The following ANKFY1 variants were observed in gnomAD, a reference collection of about 807,000 sequenced individuals.
The protein encoded by ANKFY1 is ankyrin repeat and FYVE domain containing 1.
ANKFY1 carries 47 observed loss-of-function variants against 128.3 expected under a neutral mutation model. The observed-to-expected ratio is 0.37, with a 90% confidence interval of 0.29 to 0.47. The LOEUF (loss-of-function observed/expected upper bound fraction) is 0.47. ANKFY1 is among the 20% of genes least tolerant of loss of function. The probability of loss-of-function intolerance (pLI) is 1.00; values close to 1 mark genes in which losing one functional copy is unlikely to be tolerated. For missense variants in ANKFY1, 1,222 were observed against 1,510.6 expected (o/e 0.81, Z 3.17); for synonymous variants, 553 against 601.6 (o/e 0.92, Z 1.18).
At chr17:4,197,263 T>A (rs2059842722) in intron 8 of ANKFY1, 110 bp downstream of exon 8, 3 of 1,156,822 alleles carry the variant, frequency 2.6e-6, no homozygotes, top group Non-Finnish European at 3.8e-6. Flanking sequence ...AAAATAAGAC[T>A]GAATAATGCC....
At chr17:4,235,351 A>AAAG (rs1567967164) in intron 3 of ANKFY1, among the ~76,000 whole-genome samples, 1 of 151,484 alleles carries the variant, frequency 6.6e-6, no homozygotes, top group Non-Finnish European at 1.5e-5. Context: ...AAAAAAAAAA[A>AAAG]AAAAGAAAAA....
intron 1 of ANKFY1, 83 bp downstream of exon 1, chr17:4,263,849 T>C (rs1598170125): frequency 6.2e-7 from 1 of 1,612,142 alleles, no homozygotes; most frequent in African/African-American, 1.3e-5. Context: ...CGCCCGGCCT[T>C]CCCCTCCCAC....
intron 1 of ANKFY1, among the ~76,000 whole-genome samples, chr17:4,247,169 G>T (rs117571779): frequency 0.015 from 2,316 of 151,962 alleles, 24 homozygotes; most frequent in Middle Eastern, 0.031. Context: ...CAAAGTTGCT[G>T]ATTCCTCTAT....
rs926277620 is a variant in ANKFY1 at position 4,223,626 on chromosome 17, A to T, written c.323-6508T>A. On this transcript the variant is annotated intron_variant, in intron 3 of 24. Transcript: ENST00000341657. ...CTGTGGGAACTCATGACTCTGGGCC[A>T]GACGCCCTACATGGACACTGACCCC... is the stretch of plus-strand genomic sequence containing the variant. The T allele has an allele frequency of 3.9e-5, 58 of 1,489,356 alleles. No homozygotes were observed. The African/African-American group carries it at 7.6e-4, about 20-fold the overall frequency. The allele number at this position is 1,489,356 out of a possible 1,614,324, so 92.3% of individuals were successfully genotyped here. A position where few individuals can be genotyped will look rare whatever the true frequency, so the allele number is the denominator to read the frequency against.
chr17:4,261,138 T>C (rs987706860), intron 1 of ANKFY1, among the ~76,000 whole-genome samples: 1 of 152,196 alleles, frequency 6.6e-6, no homozygotes, highest in African/African-American at 2.4e-5. Flanking sequence ...GTCTGCAACA[T>C]CGTTTCTAAA....
At chr17:4,243,378 T>G (rs1416326344) in intron 1 of ANKFY1, among the ~76,000 whole-genome samples, 1 of 151,552 alleles carries the variant, frequency 6.6e-6, no homozygotes, top group Non-Finnish European at 1.5e-5. Context: ...TTTTTTTTTT[T>G]AAACAGATGA....
chr17:4,170,704 G>A lies in ANKFY1; in HGVS notation c.3286+11C>T, dbSNP rs765916649. 3.6e-5 allele frequency: 58 copies of A among 1,602,816 alleles called. No individual in the cohort carries two copies. Among genetic ancestry groups the A allele is most frequent in the East Asian group, 8.9e-5 (4 of 44,872 alleles). On this transcript the variant is annotated intron_variant, in intron 23 of 24. Transcript: ENST00000341657. ...TGCTTGCACTGTGAGAGCAGAGAGC[G>A]GGCCACTCACCCAGCAGTCGGAACA... is the stretch of plus-strand genomic sequence containing the variant.
chr17:4,250,764 C>T (rs1284575893), intron 1 of ANKFY1, among the ~76,000 whole-genome samples: 3 of 152,236 alleles, frequency 2.0e-5, no homozygotes, highest in Admixed American at 2.0e-4. Flanking sequence ...AACTCCTAGG[C>T]TCAAACAGCT....
chr17:4,190,900 G>A (rs1017823375), intron 10 of ANKFY1, among the ~76,000 whole-genome samples: 4 of 152,228 alleles, frequency 2.6e-5, no homozygotes, highest in Admixed American at 2.0e-4. Context: ...CACTTTGGGA[G>A]GCTGAGTTGG....
At chr17:4,256,200 G>A (rs958926629) in intron 1 of ANKFY1, among the ~76,000 whole-genome samples, 17 of 152,120 alleles carry the variant, frequency 1.1e-4, no homozygotes, top group Admixed American at 7.2e-4. Flanking sequence ...AGGCCAAGGC[G>A]GGCGGATTAC....
Position 4,209,815 on chromosome 17 carries a change from C to A in ANKFY1, c.582+9G>T. 1 of 1,608,554 alleles carries A rather than the reference C, an allele frequency of 6.2e-7. No individual in the cohort carries two copies. The highest frequency in any genetic ancestry group is 1.3e-5 in the African/African-American group (1 of 75,008). ...AGAGTGCTTTGTTGACACCCTCAAC[C>A]TCACTCACCCAATGACTTGCAATAA... On this transcript the variant is annotated intron_variant, in intron 5 of 24. Transcript: ENST00000341657.
intron 8 of ANKFY1, among the ~76,000 whole-genome samples, chr17:4,196,804 T>C (rs911304722): frequency 6.6e-6 from 1 of 152,230 alleles, no homozygotes; most frequent in African/African-American, 2.4e-5. Flanking sequence ...ATGACCACTC[T>C]GGTTCCTTCA....
At chr17:4,208,888 C>T (rs755813915) in intron 5 of ANKFY1, among the ~76,000 whole-genome samples, 21 of 152,020 alleles carry the variant, frequency 1.4e-4, no homozygotes, top group Non-Finnish European at 2.4e-4. Flanking sequence ...GAGAAACCCC[C>T]GTCTCTACTA....
Position 4,166,346 on chromosome 17 carries a change from A to G in ANKFY1, c.*1433T>C, listed in dbSNP as rs2059210208. 6.6e-6 allele frequency: 1 copy of G among 152,638 alleles called. No homozygotes were observed. The highest frequency in any genetic ancestry group is 1.5e-5 in the Non-Finnish European group (1 of 68,040). The allele number at this position is 152,638 out of a possible 1,614,324, so 9.5% of individuals were successfully genotyped here. A position where few individuals can be genotyped will look rare whatever the true frequency, so the allele number is the denominator to read the frequency against. ...ATTAATGCAAAAAAATGTAGTGGTTATTAAATGTCTGAAAGAATCAGTATG... is the reference window on the plus strand; with the variant it reads ...ATTAATGCAAAAAAATGTAGTGGTTGTTAAATGTCTGAAAGAATCAGTATG... On this transcript the variant is annotated 3_prime_UTR_variant, in exon 25 of 25. Transcript: ENST00000341657.
At chr17:4,213,860 A>G (rs1372035563) in intron 4 of ANKFY1, among the ~76,000 whole-genome samples, 2 of 152,210 alleles carry the variant, frequency 1.3e-5, no homozygotes, top group African/African-American at 4.8e-5. Flanking sequence ...GGTGTGAGCC[A>G]TCACACCCAG....
chr17:4,180,898 G>A (rs762062767), intron 16 of ANKFY1: 15 of 193,260 alleles, frequency 7.8e-5, no homozygotes, highest in South Asian at 7.3e-4. Flanking sequence ...AGCCTGTTAC[G>A]ACTCACACAT....
In ANKFY1 at chr17:4,239,172, G is replaced by C. The variant is rs1967071319; in HGVS notation, c.203+3084C>G. ...CCAGTCTCATTCCCATTGTCTCCTA[G>C]AAGGACTTCAACACAATGAATGCAA... is the stretch of plus-strand genomic sequence containing the variant. On this transcript the variant is annotated intron_variant, in intron 2 of 24. Transcript: ENST00000341657. Among the ~76,000 whole-genome samples the C allele has an allele frequency of 2.6e-5, 4 of 152,168 alleles. No homozygotes were observed. The South Asian group carries it at 8.3e-4, about 32-fold the overall frequency.
chr17:4,259,871 T>C (rs376218794), intron 1 of ANKFY1, among the ~76,000 whole-genome samples: 2 of 152,306 alleles, frequency 1.3e-5, no homozygotes, highest in South Asian at 4.1e-4. Context: ...CAGTGAGGGA[T>C]GCTCTCTAAT....
intron 7 of ANKFY1, 80 bp downstream of exon 7, chr17:4,206,241 G>A: frequency 6.7e-7 from 1 of 1,503,166 alleles, no homozygotes; most frequent in South Asian, 1.2e-5. Context: ...AGAATTTTGG[G>A]AACAAGGTCA....
Sources: gnomAD v4.1 joint callset for allele counts (sites outside exome capture counted in the v4.1 genomes callset) on GRCh38, gnomAD v4.1.1 for gene constraint, MANE v1.5 for transcripts, NCBI Gene and HGNC (gene_info 2026-07-23, HGNC 2026-07-21) for gene names.